DPEP1: variants seen among roughly 807,000 people sequenced by gnomAD.
The protein encoded by DPEP1 is dipeptidase 1.
In DPEP1, 50 loss-of-function variants were observed where a neutral mutation model predicts 42.3. That is an observed-to-expected ratio of 1.18 (90% CI 0.94 to 1.50). DPEP1 has a LOEUF of 1.50. Ranked by LOEUF, DPEP1 falls within the 40% of genes most tolerant of loss-of-function variation. The pLI is 0.00. For synonymous variants in DPEP1, 297 were observed against 234.0 expected (o/e 1.27, Z -2.46); for missense variants, 663 against 553.0 (o/e 1.20, Z -1.99).
chr16:89,639,984 T>C (rs1391911031), downstream of DPEP1, among the ~76,000 whole-genome samples: 1 of 152,112 alleles, frequency 6.6e-6, no homozygotes, highest in Non-Finnish European at 1.5e-5. Context: ...CCAGCCTCTT[T>C]TGGTAAATGG....
At chr16:89,614,457 G>T (rs900035547) in intron 1 of DPEP1, among the ~76,000 whole-genome samples, 3 of 152,150 alleles carry the variant, frequency 2.0e-5, no homozygotes, top group African/African-American at 7.2e-5. Flanking sequence ...CCTGTTGTCC[G>T]GCCCCACAAT....
At position 89,637,957 on chromosome 16, in the gene DPEP1, G is replaced by A. The variant is rs1126464; in HGVS notation, c.1051G>A (p.Glu351Lys). 3.7e-6 allele frequency: 6 copies of A among 1,607,416 alleles called. No individual in the cohort carries two copies. The highest frequency in any genetic ancestry group is 2.2e-5 in the South Asian group (2 of 90,540). ...GGCTGACAACCTGCTGAGGGTCTTC[G>A]AGGCTGTGGAACAGGTGAGGATGGG... Reference protein sequence around the residue: ...ALADNLLRVFEAVEQASNLTQ... With the variant: ...ALADNLLRVFKAVEQASNLTQ... Residue 351 changes from glutamate (E) to lysine (K), a missense_variant, in exon 10 of 11, where the codon GAG becomes AAG. Coordinates refer to ENST00000690203, the MANE Select transcript of DPEP1 (RefSeq NM_001389466.1).
chr16:89,624,868 C>T (rs1412586566), intron 1 of DPEP1, among the ~76,000 whole-genome samples: 1 of 152,132 alleles, frequency 6.6e-6, no homozygotes, highest in Non-Finnish European at 1.5e-5. Context: ...TTTCATGGTT[C>T]CTATACCTCT....
chr16:89,618,994 GCCCCCTGCCCCCCCCGCTCCC>G (rs2059412825), intron 1 of DPEP1, among the ~76,000 whole-genome samples: 1 of 8,382 alleles, frequency 1.2e-4, no homozygotes, highest in Non-Finnish European at 2.2e-4. Context: ...CCTCCCTGCA[GCCCCCTGCCCCCCCCGCTCCC>G]CTCCCTGCAG....
rs752836325 is a variant in DPEP1, at chr16:89,630,524, C to T, written c.104+10C>T. ...CCCCTGTCATTGATGGGTGAGTGCT[C>T]ACCTGAGCCAGGTGCTTAGGGAACC... On this transcript the variant is annotated intron_variant, in intron 2 of 10. Transcript: ENST00000690203. 3.5e-5 allele frequency: 55 copies of T among 1,561,426 alleles called. No homozygotes were observed. The highest frequency in any genetic ancestry group is 4.4e-5 in the Non-Finnish European group (51 of 1,152,334).
In DPEP1 at chr16:89,636,628, C is replaced by G. The variant is rs780716027; in HGVS notation, c.466C>G (p.Leu156Val). Residue 156 changes from leucine to valine, a missense_variant, in exon 5 of 11, where the codon CTC (leucine) becomes GTC (valine). Coordinates refer to ENST00000690203, the MANE Select transcript of DPEP1 (RefSeq NM_001389466.1). ...CAGCAGTTTGGGCGTCCTGCGGGCA[C>G]TCTATCAGCTGGGCATGCGGTACCT... is the stretch of plus-strand genomic sequence containing the variant. ...IDSSLGVLRA[L>V]YQLGMRYLTL... 16 of 1,612,534 alleles carry G rather than the reference C, an allele frequency of 9.9e-6. No individual in the cohort carries two copies. Among genetic ancestry groups the G allele is most frequent in the Non-Finnish European group, 1.4e-5 (16 of 1,179,982 alleles).
rs139601062 is a variant in DPEP1 at position 89,616,436 on chromosome 16, C to T, written c.-107+2717C>T. ...ACAGCGGGTGTGCTCGGGGCTGTGCCGGGAGGGGTCCTTGGATGGAGGAGG... is the reference window on the plus strand; with the variant it reads ...ACAGCGGGTGTGCTCGGGGCTGTGCTGGGAGGGGTCCTTGGATGGAGGAGG... On this transcript the variant is annotated intron_variant, in intron 1 of 10. Coordinates refer to ENST00000690203, the MANE Select transcript of DPEP1 (RefSeq NM_001389466.1). Among the ~76,000 whole-genome samples the T allele has an allele frequency of 1.1e-3, 174 of 152,142 alleles. 1 individual carries two copies. Among genetic ancestry groups the T allele is most frequent in the African/African-American group, 4.0e-3 (166 of 41,502 alleles).
intron 1 of DPEP1, among the ~76,000 whole-genome samples, chr16:89,618,152 A>G (rs2059400638): frequency 6.6e-6 from 1 of 152,230 alleles, no homozygotes; most frequent in Non-Finnish European, 1.5e-5. Flanking sequence ...TGCAAATAGA[A>G]TAGGATTTAA....
intron 1 of DPEP1, among the ~76,000 whole-genome samples, chr16:89,626,794 G>A (rs1436645394): frequency 4.6e-5 from 7 of 152,094 alleles, no homozygotes; most frequent in Admixed American, 4.6e-4. Flanking sequence ...GTGGAACTGT[G>A]AGTCAATGAA....
chr16:89,626,169 T>A (rs1295891654), intron 1 of DPEP1, among the ~76,000 whole-genome samples: 1 of 152,202 alleles, frequency 6.6e-6, no homozygotes, highest in Non-Finnish European at 1.5e-5. Context: ...GGGCACTGAA[T>A]GGTGGAGCTG....
chr16:89,628,521 G>A (rs2151489238), intron 1 of DPEP1, among the ~76,000 whole-genome samples: 1 of 152,116 alleles, frequency 6.6e-6, no homozygotes, highest in African/African-American at 2.4e-5. Context: ...GCCTCCCACA[G>A]TGCTGGGATT....
At chr16:89,618,510 G>A (rs1339934926) in intron 1 of DPEP1, among the ~76,000 whole-genome samples, 2 of 152,102 alleles carry the variant, frequency 1.3e-5, no homozygotes, top group Non-Finnish European at 2.9e-5. Flanking sequence ...AAACCACCAG[G>A]TCTGGCCTAC....
chr16:89,636,836 C>G, intron 5 of DPEP1, 30 bp from the exon 6 acceptor site: 1 of 1,611,888 alleles, frequency 6.2e-7, no homozygotes, highest in South Asian at 1.1e-5. Context: ...CACCGCTCAC[C>G]TCTTGGGCAC....
chr16:89,631,721 G>A lies in DPEP1; in HGVS notation c.104+1207G>A, dbSNP rs552863761. Among the ~76,000 whole-genome samples the A allele has an allele frequency of 4.6e-5, 7 of 152,260 alleles. No homozygotes were observed. The South Asian group carries it at 1.5e-3, about 32-fold the overall frequency. ...AAATACAAAAAATTAGCCAGGCATG[G>A]TGGCGCATGCCTGTAGTCCCAGATA... On this transcript the variant is annotated intron_variant, in intron 2 of 10. Transcript: ENST00000690203.
At chr16:89,629,107 G>A (rs913232540) in intron 1 of DPEP1, among the ~76,000 whole-genome samples, 5 of 152,216 alleles carry the variant, frequency 3.3e-5, no homozygotes, top group Admixed American at 3.3e-4. Context: ...GATTATAGGC[G>A]TGAATGACTG....
At chr16:89,614,686 T>C (rs1026122704) in intron 1 of DPEP1, among the ~76,000 whole-genome samples, 3 of 152,112 alleles carry the variant, frequency 2.0e-5, no homozygotes, top group African/African-American at 7.2e-5. Flanking sequence ...TCCCAGCTAC[T>C]CGGGAGGCTG....
At chr16:89,633,825 G>T (rs1248053840) in intron 2 of DPEP1, among the ~76,000 whole-genome samples, 2 of 147,266 alleles carry the variant, frequency 1.4e-5, no homozygotes, top group African/African-American at 2.5e-5. Flanking sequence ...AAGTGGAGGG[G>T]CCCCTGTGGC....
At chr16:89,629,509 A>C (rs1157401765) in intron 1 of DPEP1, among the ~76,000 whole-genome samples, 2,649 of 106,024 alleles carry the variant, frequency 0.025, no homozygotes, top group Non-Finnish European at 0.033. Flanking sequence ...GGCTCCCCCC[A>C]CCCCCCCCCG....
intron 1 of DPEP1, among the ~76,000 whole-genome samples, chr16:89,615,115 C>T (rs1445217385): frequency 6.6e-6 from 1 of 152,216 alleles, no homozygotes; most frequent in African/African-American, 2.4e-5. Context: ...TCTAAAATAC[C>T]TCCCGCTGGG....
Sources: allele counts gnomAD v4.1 joint callset (sites outside exome capture counted in the v4.1 genomes callset), GRCh38; gene constraint gnomAD v4.1.1; transcripts MANE v1.5; gene names NCBI Gene and HGNC (gene_info 2026-07-23, HGNC 2026-07-21).